PCDHGA2: variants seen among roughly 807,000 people sequenced by gnomAD.
PCDHGA2 encodes the protein protocadherin gamma-A2.
In PCDHGA2, 40 loss-of-function variants were observed where a neutral mutation model predicts 59.2. That is an observed-to-expected ratio of 0.68 (90% CI 0.52 to 0.88). The LOEUF (loss-of-function observed/expected upper bound fraction) is 0.88. Among genes scored for constraint, PCDHGA2 ranks in the 40% least tolerant of loss-of-function variants. The pLI, the probability that PCDHGA2 is intolerant of heterozygous loss-of-function variation, is 0.00. For synonymous variants in PCDHGA2, 560 were observed against 526.0 expected, an observed-to-expected ratio of 1.06 and a Z score of -0.89; for missense variants, 1,226 against 1,204.0, an observed-to-expected ratio of 1.02 and a Z score of -0.27.
At chr5:141,405,187 G>A (rs372851700) in intron 1 of PCDHGA2, 1 of 1,613,360 alleles carries the variant, frequency 6.2e-7, no homozygotes, top group East Asian at 2.2e-5. Flanking sequence ...GTGTAGATGG[G>A]GTTCGAGCTT....
At chr5:141,408,912 A>G (rs772751015) in intron 1 of PCDHGA2, 4 of 1,613,594 alleles carry the variant, frequency 2.5e-6, no homozygotes, top group Middle Eastern at 1.6e-4. Flanking sequence ...GATACCAATG[A>G]TAACCCCCCG....
At chr5:141,418,435 A>G (rs1237542659) in intron 1 of PCDHGA2, 1 of 1,614,038 alleles carries the variant, frequency 6.2e-7, no homozygotes, top group South Asian at 1.1e-5. Context: ...GCAAATATCC[A>G]GAATTAGTAT....
rs142703691 is a variant in PCDHGA2 at position 141,489,691 on chromosome 5, C to T, written c.2425-5116C>T. On this transcript the variant is annotated intron_variant, in intron 1 of 3. Transcript: ENST00000394576. The surrounding 1 kb of genome is among the most constrained non-coding windows in gnomAD (Gnocchi z 4.5). ...CTCAGAATCAGCAGCATCTGGGGCACGATTCCCACTGGACAGTGCCCAGGA... is the reference window on the plus strand; with the variant it reads ...CTCAGAATCAGCAGCATCTGGGGCATGATTCCCACTGGACAGTGCCCAGGA... 8.1e-6 allele frequency: 13 copies of T among 1,614,164 alleles called. No individual in the cohort carries two copies. The highest frequency in any genetic ancestry group is 3.3e-5 in the South Asian group (3 of 91,080).
intron 2 of PCDHGA2, among the ~76,000 whole-genome samples, chr5:141,499,689 C>CTTTTTTT (rs545067566): frequency 3.3e-5 from 4 of 119,856 alleles, no homozygotes; most frequent in Admixed American, 8.7e-5. Context: ...TAACAGATGA[C>CTTTTTTT]TTTTTTTTTT....
chr5:141,509,825 C>A (rs1057042581), intron 3 of PCDHGA2, among the ~76,000 whole-genome samples: 18 of 152,222 alleles, frequency 1.2e-4, no homozygotes, highest in African/African-American at 1.2e-4. Context: ...TCTCCATCTT[C>A]TCTCTACCTC....
intron 1 of PCDHGA2, chr5:141,408,760 C>T: frequency 6.2e-7 from 1 of 1,610,404 alleles, no homozygotes. Flanking sequence ...GAGTTAATTC[C>T]GATGGTGGCA....
At chr5:141,394,278 TACTC>T in intron 1 of PCDHGA2, 1 of 1,613,924 alleles carries the variant, frequency 6.2e-7, no homozygotes, top group East Asian at 2.2e-5. Flanking sequence ...CCAGGTCACT[TACTC>T]TGTGACCGAG....
chr5:141,492,548 C>T (rs1028674110), intron 1 of PCDHGA2, among the ~76,000 whole-genome samples: 5 of 152,218 alleles, frequency 3.3e-5, no homozygotes, highest in African/African-American at 9.6e-5. Flanking sequence ...TGGGCCGGGT[C>T]GCCTGGGGGG....
chr5:141,437,892 C>A (rs2097916583), intron 1 of PCDHGA2, among the ~76,000 whole-genome samples: 2 of 152,116 alleles, frequency 1.3e-5, no homozygotes, highest in Admixed American at 1.3e-4. Context: ...CACACGCCAC[C>A]ACACCCAGCT....
At position 141,512,047 on chromosome 5, in the gene PCDHGA2, C is replaced by T. The variant is rs1183612907; in HGVS notation, c.*874C>T. 1 of 152,722 alleles carries T rather than the reference C, an allele frequency of 6.5e-6. No individual in the cohort carries two copies. The highest frequency in any genetic ancestry group is 1.5e-5 in the Non-Finnish European group (1 of 68,120). The allele number at this position is 152,722 out of a possible 1,614,324, so 9.5% of individuals were successfully genotyped here. A position where few individuals can be genotyped will look rare whatever the true frequency, so the allele number is the denominator to read the frequency against. On this transcript the variant is annotated 3_prime_UTR_variant, in exon 4 of 4. Coordinates refer to ENST00000394576, the MANE Select transcript of PCDHGA2 (RefSeq NM_018915.4). The stretch of plus-strand genomic sequence containing the variant: ...CCTTGGAGGAGGCTCTGTATGTCCT[C>T]AGGGGACTGACAACATCCTCCAGAT...
At chr5:141,346,342 TC>T (rs1184509828) in intron 1 of PCDHGA2, 1 of 1,613,968 alleles carries the variant, frequency 6.2e-7, no homozygotes, top group African/African-American at 1.3e-5. Context: ...CACCTGATTT[TC>T]CCCCAGCCCA....
intron 1 of PCDHGA2, chr5:141,417,116 C>A (rs1407873769): frequency 6.6e-6 from 1 of 151,954 alleles, no homozygotes; most frequent in Non-Finnish European, 1.5e-5. Context: ...ATACAGGACA[C>A]CCTGGATGAT....
chr5:141,481,900 C>T (rs949418188), intron 1 of PCDHGA2, among the ~76,000 whole-genome samples: 13 of 126,002 alleles, frequency 1.0e-4, no homozygotes, highest in African/African-American at 3.2e-4. Flanking sequence ...GGTGAAAGAG[C>T]GAAACTCCAT....
At chr5:141,372,139 C>A (rs2149999954) in intron 1 of PCDHGA2, 1 of 1,613,756 alleles carries the variant, frequency 6.2e-7, no homozygotes, top group African/African-American at 1.3e-5. Flanking sequence ...CCGCGCTCTG[C>A]AGAGCCTGGC....
rs200368368 is a variant in PCDHGA2 at position 141,371,922 on chromosome 5, C to T, written c.2424+30527C>T. 2.5e-4 allele frequency: 410 copies of T among 1,613,228 alleles called. No individual in the cohort carries two copies. The highest frequency in any genetic ancestry group is 3.3e-4 in the Non-Finnish European group (394 of 1,179,902). On this transcript the variant is annotated intron_variant, in intron 1 of 3. Transcript: ENST00000394576. ...GTCGTCCTACGTGTCCGTGAGCGCG[C>T]GGAGCGGGGTGGTGTTCGCGCAGCG...
intron 1 of PCDHGA2, among the ~76,000 whole-genome samples, chr5:141,451,630 C>T (rs899343801): frequency 2.0e-5 from 3 of 152,132 alleles, no homozygotes; most frequent in Non-Finnish European, 2.9e-5. Flanking sequence ...ACCTGTAATT[C>T]CAGCACTCTG....
intron 1 of PCDHGA2, chr5:141,350,434 G>A (rs1758473968): frequency 6.2e-7 from 1 of 1,610,710 alleles, no homozygotes; most frequent in East Asian, 2.2e-5. Flanking sequence ...GTGTCCGGGA[G>A]TTGCCAACTC....
intron 1 of PCDHGA2, chr5:141,426,675 C>T: frequency 2.3e-6 from 1 of 431,942 alleles, no homozygotes; most frequent in South Asian, 1.6e-5. Flanking sequence ...TAACCCACCT[C>T]ATTTTCCCCA....
intron 1 of PCDHGA2, chr5:141,366,318 C>T (rs767826248): frequency 8.7e-6 from 14 of 1,613,774 alleles, no homozygotes; most frequent in Non-Finnish European, 1.2e-5. Flanking sequence ...GTCACCGTTG[C>T]CGTGGCCGAC....
Sources: allele counts gnomAD v4.1 joint callset (sites outside exome capture counted in the v4.1 genomes callset), GRCh38; gene constraint gnomAD v4.1.1; non-coding constraint Gnocchi (gnomAD v3.1); transcripts MANE v1.5; gene names NCBI Gene and HGNC (gene_info 2026-07-23, HGNC 2026-07-21).